Variants in MEI4 observed in about 807,000 individuals in gnomAD.
MEI4 encodes meiotic double-stranded break formation protein 4, also known as meiosis-specific protein MEI4.
MEI4 carries 27 observed loss-of-function variants against 31.4 expected under a neutral mutation model. The ratio of observed to expected loss-of-function variants is 0.86; its 90% CI spans 0.63 to 1.19. MEI4 has a LOEUF of 1.19. MEI4 is among the 50% of genes most tolerant of loss of function. The pLI is 0.00. For synonymous variants in MEI4, 122 were observed against 145.4 expected, an observed-to-expected ratio of 0.84 and a Z score of 1.16; for missense variants, 329 against 398.9, an observed-to-expected ratio of 0.82 and a Z score of 1.49.
At chr6:77,865,271 C>CA (rs1261393122) in intron 4 of MEI4, among the ~76,000 whole-genome samples, 3 of 151,918 alleles carry the variant, frequency 2.0e-5, no homozygotes, top group Admixed American at 6.6e-5. Flanking sequence ...AAAAACCCTT[C>CA]AAAAAATCAA....
At chr6:77,826,314 G>C (rs1034545724) in intron 3 of MEI4, among the ~76,000 whole-genome samples, 4 of 152,088 alleles carry the variant, frequency 2.6e-5, no homozygotes, top group African/African-American at 9.7e-5. Context: ...TAGTTGACAA[G>C]AAAGATATGA....
intron 2 of MEI4, among the ~76,000 whole-genome samples, chr6:77,733,276 A>T (rs1767067624): frequency 6.6e-6 from 1 of 151,928 alleles, no homozygotes; most frequent in African/African-American, 2.4e-5. Flanking sequence ...TTTGGTTGGT[A>T]AGCTATTGAT....
rs1310711724 is a variant in MEI4, at chr6:77,908,676, C to CA, written c.901-14406dup. ...GAACTTTAAAGTAGCAAATGGAAAA[C>CA]AAAAAAAGGCAGGGGTTGCAATCTT... On this transcript the variant is annotated intron_variant, in intron 4 of 4. Transcript: ENST00000684080. Among the ~76,000 whole-genome samples, 7 of 151,156 alleles carry CA rather than the reference C, an allele frequency of 4.6e-5. No homozygotes were observed. The East Asian group carries it at 5.8e-4, about 13-fold the overall frequency.
Position 77,852,128 on chromosome 6 carries a change from T to C in MEI4, c.900+23066T>C, listed in dbSNP as rs190845847. ...CCATCTAAGCCTGGTAGCTTTGCTC[T>C]AAGAACTTAAATGTCCCTCTCTTAG... is the stretch of plus-strand genomic sequence containing the variant. On this transcript the variant is annotated intron_variant, in intron 4 of 4. Transcript: ENST00000684080. Among the ~76,000 whole-genome samples the C allele has an allele frequency of 2.3e-4, 35 of 152,332 alleles. 1 individual carries two copies. Among genetic ancestry groups the C allele is most frequent in the Admixed American group, 1.2e-3 (18 of 15,288 alleles).
At chr6:77,863,275 G>T (rs1386967651) in intron 4 of MEI4, among the ~76,000 whole-genome samples, 1 of 151,928 alleles carries the variant, frequency 6.6e-6, no homozygotes, top group Non-Finnish European at 1.5e-5. Context: ...TTCAGATGAT[G>T]AAACAACTCT....
intron 3 of MEI4, among the ~76,000 whole-genome samples, chr6:77,793,465 A>G (rs1768993402): frequency 6.6e-6 from 1 of 152,218 alleles, no homozygotes; most frequent in Non-Finnish European, 1.5e-5. Flanking sequence ...AACTCACTGG[A>G]AAAGGTAAAT....
chr6:77,861,806 C>A (rs1456259885), intron 4 of MEI4, among the ~76,000 whole-genome samples: 1 of 152,108 alleles, frequency 6.6e-6, no homozygotes, highest in East Asian at 1.9e-4. Context: ...ATATGAAGTG[C>A]TTAGTCCAGT....
At chr6:77,801,414 T>C (rs934458520) in intron 3 of MEI4, among the ~76,000 whole-genome samples, 1 of 152,180 alleles carries the variant, frequency 6.6e-6, no homozygotes, top group Non-Finnish European at 1.5e-5. Context: ...GTCTGTCAAT[T>C]TTGTTGCTCT....
chr6:77,700,387 T>C (rs1444602431), intron 2 of MEI4, among the ~76,000 whole-genome samples: 1 of 152,226 alleles, frequency 6.6e-6, no homozygotes, highest in Non-Finnish European at 1.5e-5. Flanking sequence ...TGTAGGACCC[T>C]CCTAGCCATG....
At chr6:77,699,410 T>C (rs1582036698) in intron 2 of MEI4, among the ~76,000 whole-genome samples, 2 of 151,946 alleles carry the variant, frequency 1.3e-5, no homozygotes, top group East Asian at 1.9e-4. Flanking sequence ...GCCGGGATGG[T>C]CTCGATCTCC....
chr6:77,863,624 G>A (rs1221769790), intron 4 of MEI4, among the ~76,000 whole-genome samples: 12 of 152,180 alleles, frequency 7.9e-5, no homozygotes, highest in African/African-American at 1.7e-4. Context: ...TGAAAGTGAC[G>A]GAGAGAATGG....
intron 3 of MEI4, among the ~76,000 whole-genome samples, chr6:77,799,190 TG>T (rs1378771780): frequency 6.6e-6 from 1 of 152,044 alleles, no homozygotes; most frequent in Non-Finnish European, 1.5e-5. Context: ...CCATTCTAAC[TG>T]GTGTGAGATG....
intron 2 of MEI4, among the ~76,000 whole-genome samples, chr6:77,730,559 C>T (rs2127667055): frequency 6.6e-6 from 1 of 151,910 alleles, no homozygotes; most frequent in African/African-American, 2.4e-5. Context: ...TTATTTTGCT[C>T]ATTTATTCAG....
At chr6:77,694,705 T>C (rs1356900510) in intron 2 of MEI4, among the ~76,000 whole-genome samples, 2 of 152,186 alleles carry the variant, frequency 1.3e-5, no homozygotes, top group African/African-American at 2.4e-5. Flanking sequence ...CTAGTGTGAC[T>C]AGTGCCTCAA....
rs9448176 is a variant in MEI4, at chr6:77,701,855, G to A, written c.232+10952G>A. ...GGTGGAGGGCAGTATGCAGAGCAGT[G>A]TAAGTAGTTAGGGTTGAACTGAGTT... On this transcript the variant is annotated intron_variant, in intron 2 of 4. Coordinates refer to ENST00000684080, the MANE Select transcript of MEI4 (RefSeq NM_001322247.2). Among the ~76,000 whole-genome samples the A allele has an allele frequency of 6.9e-3, 1,057 of 152,270 alleles. 14 individuals are homozygous for A. Among genetic ancestry groups the A allele is most frequent in the African/African-American group, 0.024 (999 of 41,546 alleles).
intron 2 of MEI4, among the ~76,000 whole-genome samples, chr6:77,751,149 C>T (rs1382027080): frequency 6.6e-6 from 1 of 151,936 alleles, no homozygotes; most frequent in Non-Finnish European, 1.5e-5. Flanking sequence ...GCACTAAATG[C>T]CCACAAGAGA....
At chr6:77,888,827 G>A (rs1485486654) in intron 4 of MEI4, among the ~76,000 whole-genome samples, 2 of 152,074 alleles carry the variant, frequency 1.3e-5, no homozygotes, top group African/African-American at 4.8e-5. Context: ...GACCCAGTGG[G>A]AAATAATTGA....
At position 77,752,009 on chromosome 6, in the gene MEI4, T is replaced by A. The variant is rs1259128540; in HGVS notation, c.233-9121T>A. Among the ~76,000 whole-genome samples, 8 of 152,112 alleles carry A rather than the reference T, an allele frequency of 5.3e-5. No individual in the cohort carries two copies. The East Asian group carries it at 1.4e-3, about 26-fold the overall frequency. ...TAATCCATCACATAAACAGAACCAA[T>A]GACAAAAACCACATGATTATCTCAG... On this transcript the variant is annotated intron_variant, in intron 2 of 4. Coordinates refer to ENST00000684080, the MANE Select transcript of MEI4 (RefSeq NM_001322247.2).
rs1220040306 is a variant in MEI4 at position 77,894,455 on chromosome 6, TTTC to T, written c.901-28628_901-28626del. Reference sequence around the variant, plus strand: ...AGAATACGGAATACATACAGCTTTTTTTCTTCTTTTCATTTGTTGTGCAGTTCA... The same window carrying T: ...AGAATACGGAATACATACAGCTTTTTTTCTTTTCATTTGTTGTGCAGTTCA... On this transcript the variant is annotated intron_variant, in intron 4 of 4. Coordinates refer to ENST00000684080, the MANE Select transcript of MEI4 (RefSeq NM_001322247.2). Among the ~76,000 whole-genome samples the T allele has an allele frequency of 3.5e-4, 54 of 152,170 alleles. 5 individuals carry two copies. The highest frequency in any genetic ancestry group is 2.8e-3 in the Admixed American group (43 of 15,262).
Sources: gnomAD v4.1 joint callset for allele counts (sites outside exome capture counted in the v4.1 genomes callset) on GRCh38, gnomAD v4.1.1 for gene constraint, MANE v1.5 for transcripts, NCBI Gene and HGNC (gene_info 2026-07-23, HGNC 2026-07-21) for gene names.